The following JDP2 variants were observed in gnomAD, a reference collection of about 807,000 sequenced individuals.
JDP2 encodes the protein progesterone receptor co-activator.
In JDP2, 9 loss-of-function variants were observed where a neutral mutation model predicts 17.1. The observed-to-expected ratio is 0.53, with a 90% CI of 0.32 to 0.92. JDP2 has a LOEUF of 0.92. Ranked by LOEUF, JDP2 falls within the 40% of genes least tolerant of loss-of-function variation. JDP2 has a pLI of 0.04. For missense variants in JDP2, 179 were observed against 220.0 expected (o/e 0.81, Z 1.18); for synonymous variants, 107 against 95.6 (o/e 1.12, Z -0.69).
intron 2 of JDP2, among the ~76,000 whole-genome samples, chr14:75,440,692 G>A (rs1399109057): frequency 2.6e-5 from 4 of 152,200 alleles, no homozygotes; most frequent in African/African-American, 9.7e-5. Flanking sequence ...GGAAGTGATA[G>A]CGCTGGGGCC....
intron 2 of JDP2, among the ~76,000 whole-genome samples, chr14:75,442,058 A>T (rs900859676): frequency 6.6e-6 from 1 of 152,132 alleles, no homozygotes; most frequent in African/African-American, 2.4e-5. Context: ...TCTAGAGGGG[A>T]CTCAAGAGTT....
Position 75,469,546 on chromosome 14 carries a change from G to A in JDP2, c.*71G>A, listed in dbSNP as rs182946604. Reference sequence around the variant, plus strand: ...AGTGACGAAGAGAGAGGAGGAGGGGGGCCCCAGATGGCCCTTCCTTTGGTG... The same window carrying A: ...AGTGACGAAGAGAGAGGAGGAGGGGAGCCCCAGATGGCCCTTCCTTTGGTG... On this transcript the variant is annotated 3_prime_UTR_variant, in exon 4 of 4. Transcript: ENST00000651602. 651 of 1,305,292 alleles carry A rather than the reference G, an allele frequency of 5.0e-4. 1 individual carries two copies. The African/African-American group carries it at 8.7e-3, about 17-fold the overall frequency. 80.9% of individuals were successfully genotyped at this position (1,305,292 alleles called of 1,614,324 possible).
intron 2 of JDP2, chr14:75,445,507 C>G (rs1885557307): frequency 1.0e-6 from 1 of 985,442 alleles, no homozygotes; most frequent in Non-Finnish European, 1.2e-6. Context: ...GAATAAAAAC[C>G]CTTGCCTTTT....
At chr14:75,456,469 G>A (rs927989458) in intron 2 of JDP2, among the ~76,000 whole-genome samples, 5 of 152,198 alleles carry the variant, frequency 3.3e-5, no homozygotes, top group African/African-American at 1.2e-4. Flanking sequence ...CATGTAGGGA[G>A]GTGCTTCCTC....
chr14:75,449,782 G>T (rs1396134974), intron 2 of JDP2, among the ~76,000 whole-genome samples: 1 of 152,170 alleles, frequency 6.6e-6, no homozygotes, highest in African/African-American at 2.4e-5. Flanking sequence ...TCAGTGTTAG[G>T]TTTTCTGTCT....
intron 2 of JDP2, among the ~76,000 whole-genome samples, chr14:75,443,550 C>T (rs191876509): frequency 4.0e-5 from 6 of 151,706 alleles, no homozygotes; most frequent in Non-Finnish European, 5.9e-5. Context: ...AGCACATTTT[C>T]GAAAGCTGTT....
In JDP2 at chr14:75,430,421, C is replaced by T. The variant is rs978289005; in HGVS notation, c.-24+2169C>T. On this transcript the variant is annotated intron_variant, in intron 1 of 3. Coordinates refer to ENST00000651602, the MANE Select transcript of JDP2 (RefSeq NM_001135048.2). This position sits in a 1 kb window ranked among gnomAD's most constrained non-coding sequence, Gnocchi z 4.5. Reference sequence around the variant, plus strand: ...TGCAGGATGCAGTTTGCTTTTTTTCCATGCGAATGAATTATGTTTGAAACC... The same window carrying T: ...TGCAGGATGCAGTTTGCTTTTTTTCTATGCGAATGAATTATGTTTGAAACC... Among the ~76,000 whole-genome samples the T allele has an allele frequency of 6.6e-5, 10 of 152,144 alleles. No homozygotes were observed. The highest frequency in any genetic ancestry group is 2.4e-5 in the African/African-American group (1 of 41,422).
Position 75,470,778 on chromosome 14 carries a change from G to C in JDP2, c.*1303G>C, listed in dbSNP as rs1302737575. The C allele has an allele frequency of 6.6e-6, 1 of 152,252 alleles. No homozygotes were observed. Among genetic ancestry groups the C allele is most frequent in the Non-Finnish European group, 1.5e-5 (1 of 68,050 alleles). The allele number at this position is 152,252 out of a possible 1,614,324, so 9.4% of individuals were successfully genotyped here. A position where few individuals can be genotyped will look rare whatever the true frequency, so the allele number is the denominator to read the frequency against. ...AGTGAATCCTGTGCTTGCTCCATAA[G>C]TTGTCTCATTTCGTCTTCATGGCAG... is the stretch of plus-strand genomic sequence containing the variant. On this transcript the variant is annotated 3_prime_UTR_variant, in exon 4 of 4. Coordinates refer to ENST00000651602, the MANE Select transcript of JDP2 (RefSeq NM_001135048.2).
rs147096774 is a variant in JDP2, at chr14:75,464,618, G to A, written c.306+3088G>A. Among the ~76,000 whole-genome samples, 490 of 152,250 alleles carry A rather than the reference G, an allele frequency of 3.2e-3. 3 individuals carry two copies. Among genetic ancestry groups the A allele is most frequent in the African/African-American group, 0.011 (453 of 41,526 alleles). On this transcript the variant is annotated intron_variant, in intron 3 of 3. Transcript: ENST00000651602. Reference sequence around the variant, plus strand: ...TCCTCGGGGAGTCCTGGGACCAGTCGCCCATGGCTACTGAGAGACAACTGT... The same window carrying A: ...TCCTCGGGGAGTCCTGGGACCAGTCACCCATGGCTACTGAGAGACAACTGT...
chr14:75,452,007 A>T (rs1165736446), intron 2 of JDP2, among the ~76,000 whole-genome samples: 3 of 152,140 alleles, frequency 2.0e-5, no homozygotes, highest in Non-Finnish European at 4.4e-5. Flanking sequence ...CAGTCTCAAC[A>T]TCCTGGGCTC....
chr14:75,450,179 T>G (rs2139973684), intron 2 of JDP2, among the ~76,000 whole-genome samples: 1 of 152,320 alleles, frequency 6.6e-6, no homozygotes, highest in East Asian at 1.9e-4. Flanking sequence ...GATCCACCTG[T>G]GGGCTCTGAT....
chr14:75,454,221 T>G (rs79648737), intron 2 of JDP2, among the ~76,000 whole-genome samples: 1 of 151,936 alleles, frequency 6.6e-6, no homozygotes, highest in East Asian at 1.9e-4. Flanking sequence ...TCATGTAAAT[T>G]GTGCAATAAC....
chr14:75,435,101 A>G (rs139460118), intron 1 of JDP2, among the ~76,000 whole-genome samples: 1,552 of 152,278 alleles, frequency 0.01, 11 homozygotes, highest in African/African-American at 0.025. Context: ...TACAAGGAAT[A>G]GGTCTTCCTG....
At position 75,461,441 on chromosome 14, in the gene JDP2, G is replaced by A; in HGVS notation, c.217G>A (p.Glu73Lys). The change falls in exon 3 of 4, where the codon GAG (glutamate) becomes AAG (lysine). Residue 73 changes from glutamate (E) to lysine (K), a missense_variant. Transcript: ENST00000651602. ...GCCCTCACAGCTAGATGAGGAAGAGGAGCGAAGGAAAAGGCGCCGGGAGAA... is the reference window on the plus strand; with the variant it reads ...GCCCTCACAGCTAGATGAGGAAGAGAAGCGAAGGAAAAGGCGCCGGGAGAA... ...PVKSELDEEE[E>K]RRKRRREKNK... The A allele has an allele frequency of 6.2e-7, 1 of 1,607,454 alleles. No individual in the cohort carries two copies. The highest frequency in any genetic ancestry group is 8.5e-7 in the Non-Finnish European group (1 of 1,177,786).
intron 2 of JDP2, among the ~76,000 whole-genome samples, chr14:75,443,551 G>A (rs975695219): frequency 1.3e-5 from 2 of 151,872 alleles, no homozygotes; most frequent in African/African-American, 2.4e-5. Flanking sequence ...GCACATTTTC[G>A]AAAGCTGTTA....
chr14:75,435,412 G>C (rs536823106), intron 1 of JDP2, among the ~76,000 whole-genome samples: 5 of 152,172 alleles, frequency 3.3e-5, no homozygotes, highest in Admixed American at 1.3e-4. Flanking sequence ...GGATCTCCAT[G>C]GGGGGTGGAG....
chr14:75,456,772 C>T (rs533106525), intron 2 of JDP2, among the ~76,000 whole-genome samples: 1 of 152,312 alleles, frequency 6.6e-6, no homozygotes, highest in African/African-American at 2.4e-5. Flanking sequence ...TCTCCCTGTC[C>T]AATTTAAAAT....
intron 2 of JDP2, among the ~76,000 whole-genome samples, chr14:75,438,866 G>A (rs1885201625): frequency 6.6e-6 from 1 of 152,256 alleles, no homozygotes; most frequent in Non-Finnish European, 1.5e-5. Context: ...GCATGCCCCC[G>A]GCGACTTGCC....
chr14:75,468,754 G>A (rs1161783102), intron 3 of JDP2, among the ~76,000 whole-genome samples: 1 of 152,232 alleles, frequency 6.6e-6, no homozygotes, highest in Non-Finnish European at 1.5e-5. Context: ...GGAAGCACAT[G>A]TTTTAGGAGG....
Sources: allele counts gnomAD v4.1 joint callset (sites outside exome capture counted in the v4.1 genomes callset), GRCh38; gene constraint gnomAD v4.1.1; non-coding constraint Gnocchi (gnomAD v3.1); transcripts MANE v1.5; gene names NCBI Gene and HGNC (gene_info 2026-07-23, HGNC 2026-07-21).